ZMAT5: variants seen among roughly 807,000 people sequenced by gnomAD.
The protein encoded by ZMAT5 is zinc finger matrin-type protein 5.
In ZMAT5, 23 loss-of-function variants were observed where a neutral mutation model predicts 28.0. The observed-to-expected ratio is 0.82, with a 90% CI of 0.59 to 1.16. The LOEUF is 1.16. Among genes scored for constraint, ZMAT5 ranks in the 50% most tolerant of loss-of-function variants. ZMAT5 has a pLI of 0.00. For synonymous variants in ZMAT5, 76 were observed against 84.1 expected, an observed-to-expected ratio of 0.90 and a Z score of 0.52; for missense variants, 173 against 212.7, an observed-to-expected ratio of 0.81 and a Z score of 1.16.
intron 1 of ZMAT5, among the ~76,000 whole-genome samples, chr22:29,753,107 A>G (rs1387861073): frequency 2.0e-5 from 3 of 152,162 alleles, no homozygotes; most frequent in African/African-American, 4.8e-5. Context: ...GTCCGGGGAC[A>G]GAGTTAAGAG....
At chr22:29,740,765 G>T in intron 3 of ZMAT5, 35 bp from the exon 4 acceptor site, 1 of 1,563,024 alleles carries the variant, frequency 6.4e-7, no homozygotes, top group Non-Finnish European at 8.7e-7. Context: ...CGCTGCTCGG[G>T]AGGGGCTCCC....
intron 3 of ZMAT5, among the ~76,000 whole-genome samples, chr22:29,741,958 A>C (rs1207711540): frequency 1.3e-5 from 2 of 152,044 alleles, no homozygotes; most frequent in East Asian, 3.9e-4. Flanking sequence ...TCGGCCCTTT[A>C]TCTCTCTGAC....
At chr22:29,743,972 C>T (rs2067986969) in intron 2 of ZMAT5, among the ~76,000 whole-genome samples, 2 of 152,186 alleles carry the variant, frequency 1.3e-5, no homozygotes, top group South Asian at 4.1e-4. Context: ...AGCTCAAATC[C>T]TAACAACATA....
chr22:29,736,020 G>A (rs62227980), intron 5 of ZMAT5, among the ~76,000 whole-genome samples: 2 of 152,232 alleles, frequency 1.3e-5, no homozygotes, highest in African/African-American at 4.8e-5. Context: ...CTCGCTCCCA[G>A]CGGAGGACAC....
At chr22:29,763,299 T>G (rs1313894752) in intron 1 of ZMAT5, among the ~76,000 whole-genome samples, 1 of 101,894 alleles carries the variant, frequency 9.8e-6, no homozygotes, top group African/African-American at 3.4e-5. Context: ...CCTCAATAAA[T>G]AAATAAATAA....
intron 5 of ZMAT5, among the ~76,000 whole-genome samples, chr22:29,734,090 G>T (rs2067880933): frequency 6.6e-6 from 1 of 152,212 alleles, no homozygotes; most frequent in Non-Finnish European, 1.5e-5. Flanking sequence ...CCCAGAGAGG[G>T]GTGCAAAGGA....
At chr22:29,748,710 A>T (rs963918426) in intron 1 of ZMAT5, 139 bp from the exon 2 acceptor site, 13 of 1,161,540 alleles carry the variant, frequency 1.1e-5, no homozygotes, top group Non-Finnish European at 1.4e-5. Context: ...TGTCAAGCTG[A>T]TGAGTATGGC....
At chr22:29,754,363 A>T (rs2068080842) in intron 1 of ZMAT5, among the ~76,000 whole-genome samples, 1 of 152,234 alleles carries the variant, frequency 6.6e-6, no homozygotes, top group Non-Finnish European at 1.5e-5. Context: ...TCCCTGGAGC[A>T]CCAGCAGGTG....
At chr22:29,763,317 A>AATAAATAAATAAATAAATAAATAC (rs2068176456) in intron 1 of ZMAT5, among the ~76,000 whole-genome samples, 1 of 142,862 alleles carries the variant, frequency 7.0e-6, no homozygotes. Flanking sequence ...TAAATAAATA[A>AATAAATAAATAAATAAATAAATAC]ATAAGGCCAG....
At chr22:29,731,871 G>T (rs1457685696) in intron 5 of ZMAT5, 1 of 152,362 alleles carries the variant, frequency 6.6e-6, no homozygotes, top group South Asian at 2.1e-4. Flanking sequence ...GCCATTATGG[G>T]TGACTTTTTT....
chr22:29,742,557 C>G, intron 2 of ZMAT5, 77 bp from the exon 3 acceptor site: 1 of 1,364,272 alleles, frequency 7.3e-7, no homozygotes, highest in Non-Finnish European at 1.0e-6. Context: ...GCCACAGGGG[C>G]ATATGGACCC....
intron 1 of ZMAT5, among the ~76,000 whole-genome samples, chr22:29,762,655 A>G (rs1177141291): frequency 1.3e-5 from 2 of 152,240 alleles, no homozygotes; most frequent in East Asian, 3.8e-4. Flanking sequence ...GCAGGACAAC[A>G]AGCTCAGGCC....
intron 2 of ZMAT5, among the ~76,000 whole-genome samples, chr22:29,744,118 G>C (rs182610478): frequency 6.6e-6 from 1 of 152,284 alleles, no homozygotes; most frequent in African/African-American, 2.4e-5. Flanking sequence ...GAGGAGGCCC[G>C]TGGCTCCCAA....
chr22:29,736,655 G>A (rs2067907105), intron 5 of ZMAT5, among the ~76,000 whole-genome samples: 1 of 147,804 alleles, frequency 6.8e-6, no homozygotes, highest in South Asian at 2.2e-4. Context: ...AGGAGGCGGA[G>A]GTTGCAGTGA....
chr22:29,750,486 G>A (rs1437732112), intron 1 of ZMAT5, among the ~76,000 whole-genome samples: 1 of 152,192 alleles, frequency 6.6e-6, no homozygotes, highest in Non-Finnish European at 1.5e-5. Context: ...CCTGACCCAG[G>A]AGATCTGCAG....
In ZMAT5 at chr22:29,754,228, A is replaced by T. The variant is rs545727241; in HGVS notation, c.-27-5657T>A. 7.9e-5 allele frequency among the ~76,000 whole-genome samples: 12 copies of T among 152,258 alleles called. No homozygotes were observed. The South Asian group carries it at 2.5e-3, about 32-fold the overall frequency. On this transcript the variant is annotated intron_variant, in intron 1 of 5. Transcript: ENST00000344318. ...ATCCTCTGAGGGTGGCACACGCAGC[A>T]GAGTGTGAGCGAGGTCCCGTCTGGA...
At chr22:29,732,478 C>T (rs2147212572) in intron 5 of ZMAT5, among the ~76,000 whole-genome samples, 1 of 152,316 alleles carries the variant, frequency 6.6e-6, no homozygotes, top group Non-Finnish European at 1.5e-5. Flanking sequence ...TGACTCACGC[C>T]TGTAATCCCA....
intron 1 of ZMAT5, among the ~76,000 whole-genome samples, chr22:29,752,128 G>GACA (rs1280288433): frequency 2.0e-5 from 3 of 152,126 alleles, no homozygotes; most frequent in Non-Finnish European, 4.4e-5. Context: ...GGTGCCATGA[G>GACA]GGGCCCCAGC....
At chr22:29,740,792 T>C in intron 3 of ZMAT5, 62 bp from the exon 4 acceptor site, 1 of 1,458,800 alleles carries the variant, frequency 6.9e-7, no homozygotes, top group Admixed American at 2.0e-5. Context: ...GGCTGAGGGG[T>C]GCCCAGATGA....
Sources: allele counts gnomAD v4.1 joint callset (sites outside exome capture counted in the v4.1 genomes callset), GRCh38; gene constraint gnomAD v4.1.1; transcripts MANE v1.5; gene names NCBI Gene and HGNC (gene_info 2026-07-23, HGNC 2026-07-21).